The following NEDD4L variants were observed in gnomAD, a reference collection of about 807,000 sequenced individuals.
NEDD4L encodes NEDD4 like E3 ubiquitin protein ligase, also known as E3 ubiquitin-protein ligase NEDD4-like.
NEDD4L carries 54 observed loss-of-function variants against 148.9 expected under a neutral mutation model. The observed-to-expected ratio is 0.36, with a 90% CI of 0.29 to 0.45. NEDD4L has a LOEUF of 0.45. Ranked by LOEUF, NEDD4L falls within the 20% of genes least tolerant of loss-of-function variation. NEDD4L has a pLI of 1.00. For missense variants in NEDD4L, 856 were observed against 1,233.8 expected (o/e 0.69, Z 4.59); for synonymous variants, 433 against 440.7 (o/e 0.98, Z 0.22).
Position 58,195,633 on chromosome 18 carries a change from TCGC to T in NEDD4L, c.122+29778_122+29780del, listed in dbSNP as rs776932650. On this transcript the variant is annotated intron_variant, in intron 2 of 30. Coordinates refer to ENST00000400345, the MANE Select transcript of NEDD4L (RefSeq NM_001144967.3). ...AGCTGGCGGAGACCAGGATTTCTCC[TCGC>T]CGCCGTTGCTGTTGTTAGGGGAAAC... 12 of 1,349,774 alleles carry T rather than the reference TCGC, an allele frequency of 8.9e-6. 1 individual carries two copies. The highest frequency in any genetic ancestry group is 4.6e-5 in the South Asian group (4 of 87,322). The allele number at this position is 1,349,774 out of a possible 1,614,324, so 83.6% of individuals were successfully genotyped here. A position where few individuals can be genotyped will look rare whatever the true frequency, so the allele number is the denominator to read the frequency against.
At chr18:58,383,366 C>T (rs1412829444) in intron 25 of NEDD4L, 47 bp downstream of exon 25, 1 of 1,048,884 alleles carries the variant, frequency 9.5e-7, no homozygotes, top group Non-Finnish European at 1.4e-6. Context: ...AATTGAAATG[C>T]ATGTTTGGTC....
At chr18:58,080,237 A>T (rs991866512) in intron 1 of NEDD4L, among the ~76,000 whole-genome samples, 7 of 152,206 alleles carry the variant, frequency 4.6e-5, no homozygotes, top group African/African-American at 1.7e-4. Flanking sequence ...GATTCTCTGT[A>T]GATGGGGAGC....
At chr18:58,338,393 G>A (rs1801018471) in intron 13 of NEDD4L, among the ~76,000 whole-genome samples, 1 of 152,158 alleles carries the variant, frequency 6.6e-6, no homozygotes, top group African/African-American at 2.4e-5. Context: ...GAGGCAGTGT[G>A]AGTTACAAAT....
chr18:58,054,656 C>T (rs2082017775), intron 1 of NEDD4L: 1 of 153,208 alleles, frequency 6.5e-6, no homozygotes, highest in Admixed American at 6.5e-5. Context: ...TCCTTGCTCT[C>T]ATTCCTTTTG....
chr18:58,357,164 ATTTTT>A (rs201044327), intron 18 of NEDD4L, 25 bp from the exon 19 acceptor site: 24 of 1,421,480 alleles, frequency 1.7e-5, no homozygotes, highest in Admixed American at 3.9e-5. Context: ...TAATGTTCTG[ATTTTT>A]TTTTTTTTTT....
intron 1 of NEDD4L, among the ~76,000 whole-genome samples, chr18:58,076,302 T>G (rs1245370793): frequency 6.6e-6 from 1 of 152,200 alleles, no homozygotes; most frequent in Non-Finnish European, 1.5e-5. Flanking sequence ...TGATGTCACA[T>G]GAAGAGCAAA....
intron 5 of NEDD4L, among the ~76,000 whole-genome samples, chr18:58,270,224 G>A (rs1568530403): frequency 6.6e-6 from 1 of 152,226 alleles, no homozygotes; most frequent in Non-Finnish European, 1.5e-5. Context: ...GAATTTCAGA[G>A]AAGTGGGTAA....
At chr18:58,283,952 A>G (rs896198539) in intron 5 of NEDD4L, among the ~76,000 whole-genome samples, 7 of 152,226 alleles carry the variant, frequency 4.6e-5, no homozygotes, top group East Asian at 3.8e-4. Context: ...GGAGAATGCC[A>G]TGGAAAGATG....
intron 30 of NEDD4L, 82 bp from the exon 31 acceptor site, chr18:58,396,085 T>C: frequency 1.1e-6 from 1 of 893,444 alleles, no homozygotes; most frequent in Non-Finnish European, 1.8e-6. Flanking sequence ...TTTTATTCTC[T>C]TACTCAAACC....
At chr18:58,101,823 G>T (rs968422705) in intron 1 of NEDD4L, among the ~76,000 whole-genome samples, 1 of 152,182 alleles carries the variant, frequency 6.6e-6, no homozygotes, top group African/African-American at 2.4e-5. Context: ...GAGCCAGGAT[G>T]GAGAACTTTT....
intron 2 of NEDD4L, among the ~76,000 whole-genome samples, chr18:58,234,986 G>A (rs188632348): frequency 6.6e-6 from 1 of 152,202 alleles, no homozygotes; most frequent in Admixed American, 6.5e-5. Context: ...AGATTTTGCA[G>A]TGAGAACTGA....
At chr18:58,236,404 T>A (rs2148260668) in intron 2 of NEDD4L, among the ~76,000 whole-genome samples, 1 of 152,304 alleles carries the variant, frequency 6.6e-6, no homozygotes, top group Non-Finnish European at 1.5e-5. Context: ...GGGTTAACGT[T>A]TCTTCTTCTA....
At chr18:58,080,071 C>T (rs55784553) in intron 1 of NEDD4L, among the ~76,000 whole-genome samples, 7,606 of 152,122 alleles carry the variant, frequency 0.05, 481 homozygotes, top group African/African-American at 0.15. Flanking sequence ...AGTTGCCATG[C>T]GTAACACCGT....
Position 58,252,361 on chromosome 18 carries a change from A to G in NEDD4L, c.297+307A>G, listed in dbSNP as rs551255218. ...GTTGGGAATACAGAACGGTAGGCAGATCTCTAAAGAGGCCATCAGGAATGT... is the reference window on the plus strand; with the variant it reads ...GTTGGGAATACAGAACGGTAGGCAGGTCTCTAAAGAGGCCATCAGGAATGT... On this transcript the variant is annotated intron_variant, in intron 5 of 30. Coordinates refer to ENST00000400345, the MANE Select transcript of NEDD4L (RefSeq NM_001144967.3). Among the ~76,000 whole-genome samples the G allele has an allele frequency of 5.9e-5, 9 of 152,360 alleles. No homozygotes were observed. In the South Asian group the frequency reaches 1.7e-3, roughly 28 times the overall value.
chr18:58,190,553 T>C (rs1311837627), intron 2 of NEDD4L, among the ~76,000 whole-genome samples: 1 of 152,218 alleles, frequency 6.6e-6, no homozygotes, highest in Non-Finnish European at 1.5e-5. Context: ...AATGCCCTAA[T>C]GTATTAGTAG....
intron 1 of NEDD4L, among the ~76,000 whole-genome samples, chr18:58,080,435 T>C (rs564344166): frequency 6.6e-6 from 1 of 152,366 alleles, no homozygotes; most frequent in South Asian, 2.1e-4. Flanking sequence ...AAAGTGGGAT[T>C]ATTTCTGTTA....
chr18:58,300,078 C>G (rs1420459514), intron 5 of NEDD4L, among the ~76,000 whole-genome samples: 1 of 152,218 alleles, frequency 6.6e-6, no homozygotes, highest in Non-Finnish European at 1.5e-5. Context: ...GGATTTAGAT[C>G]TTGGCTCCAC....
Position 58,068,305 on chromosome 18 carries a change from T to C in NEDD4L, c.48+23597T>C, listed in dbSNP as rs369770448. 2.6e-5 allele frequency among the ~76,000 whole-genome samples: 4 copies of C among 151,504 alleles called. No individual in the cohort carries two copies. The East Asian group carries it at 5.9e-4, about 22-fold the overall frequency. On this transcript the variant is annotated intron_variant, in intron 1 of 30. Transcript: ENST00000400345. ...AACTCCGCCTCCCAGGTTCACCCCA[T>C]TCTCCTGCCTCAGCCTCCTGAGCAG...
rs141003526 is a variant in NEDD4L, at chr18:58,393,664, T to G, written c.2825+2105T>G. On this transcript the variant is annotated intron_variant, in intron 30 of 30. Coordinates refer to ENST00000400345, the MANE Select transcript of NEDD4L (RefSeq NM_001144967.3). Reference sequence around the variant, plus strand: ...CTTCTAAATGGCTTTCCTCCCTACCTGACCCTGACTGTATTTTGACATAGG... The same window carrying G: ...CTTCTAAATGGCTTTCCTCCCTACCGGACCCTGACTGTATTTTGACATAGG... Among the ~76,000 whole-genome samples the G allele has an allele frequency of 8.0e-3, 1,219 of 152,344 alleles. 15 individuals carry two copies. The highest frequency in any genetic ancestry group is 0.028 in the African/African-American group (1,160 of 41,576).
Sources: gnomAD v4.1 joint callset for allele counts (sites outside exome capture counted in the v4.1 genomes callset) on GRCh38, gnomAD v4.1.1 for gene constraint, MANE v1.5 for transcripts, NCBI Gene and HGNC (gene_info 2026-07-23, HGNC 2026-07-21) for gene names.